CFI: variants seen among roughly 807,000 people sequenced by gnomAD.
CFI encodes complement factor I.
In CFI, 66 loss-of-function variants were observed where a neutral mutation model predicts 78.8. That is an observed-to-expected ratio of 0.84 (90% CI 0.69 to 1.03). The LOEUF (loss-of-function observed/expected upper bound fraction) is 1.03, where lower values mean the gene tolerates loss of function less well. CFI is among the 50% of genes least tolerant of loss of function. The pLI is 0.00. For synonymous variants in CFI, 250 were observed against 232.6 expected (o/e 1.07, Z -0.68); for missense variants, 706 against 704.5 (o/e 1.00, Z -0.02).
At chr4:109,754,130 T>A (rs1017330043) in intron 7 of CFI, among the ~76,000 whole-genome samples, 3 of 151,544 alleles carry the variant, frequency 2.0e-5, no homozygotes, top group Non-Finnish European at 2.9e-5. Context: ...ATTACAGGTG[T>A]GCGTCACCAT....
intron 1 of CFI, among the ~76,000 whole-genome samples, chr4:109,775,366 C>T (rs540471677): frequency 3.2e-4 from 48 of 152,328 alleles, no homozygotes; most frequent in Non-Finnish European, 5.4e-4. Flanking sequence ...GTGCCTGGCT[C>T]GGAGGGTCCC....
intron 5 of CFI, 62 bp downstream of exon 5, chr4:109,760,461 G>T: frequency 6.7e-7 from 1 of 1,490,164 alleles, no homozygotes; most frequent in East Asian, 2.3e-5. Context: ...TAGTAAAGTT[G>T]CTTTTCCTCT....
chr4:109,776,500 T>G (rs567292216), intron 1 of CFI, among the ~76,000 whole-genome samples: 18 of 152,336 alleles, frequency 1.2e-4, no homozygotes, highest in South Asian at 4.1e-4. Context: ...ATCTGATTGA[T>G]GTACCTGAAA....
chr4:109,788,021 T>G (rs1730961958), intron 1 of CFI, among the ~76,000 whole-genome samples: 1 of 151,982 alleles, frequency 6.6e-6, no homozygotes, highest in Non-Finnish European at 1.5e-5. Flanking sequence ...TCTTTGTGAG[T>G]CTTTCCAGAG....
At chr4:109,790,622 G>T (rs1055489768) in intron 1 of CFI, among the ~76,000 whole-genome samples, 1 of 152,064 alleles carries the variant, frequency 6.6e-6, no homozygotes, top group Non-Finnish European at 1.5e-5. Context: ...CAGTGTGTCT[G>T]ATAGGCCCCT....
At chr4:109,774,773 T>TA (rs1560553396) in intron 1 of CFI, among the ~76,000 whole-genome samples, 1 of 152,104 alleles carries the variant, frequency 6.6e-6, no homozygotes, top group Admixed American at 6.5e-5. Context: ...ACAAAAGCAA[T>TA]AAAAAAGGAA....
chr4:109,749,440 TC>T (rs1561288455), intron 9 of CFI, 58 bp downstream of exon 9: 1 of 1,502,072 alleles, frequency 6.7e-7, no homozygotes, highest in Non-Finnish European at 9.3e-7. Context: ...CCTGCCCCTT[TC>T]CCCCCAAATT....
intron 1 of CFI, among the ~76,000 whole-genome samples, chr4:109,789,279 A>G (rs573814717): frequency 2.8e-4 from 43 of 152,190 alleles, no homozygotes; most frequent in African/African-American, 7.9e-4. Flanking sequence ...CAAAAAACAT[A>G]TTTGAAGAAA....
chr4:109,764,443 A>G (rs1349716271), intron 3 of CFI, 94 bp downstream of exon 3: 2 of 1,350,124 alleles, frequency 1.5e-6, no homozygotes, highest in South Asian at 1.2e-5. Context: ...TAGGTTACAC[A>G]TATGGAAATT....
intron 1 of CFI, among the ~76,000 whole-genome samples, chr4:109,776,568 A>C (rs1288179064): frequency 6.6e-6 from 1 of 152,268 alleles, no homozygotes; most frequent in Non-Finnish European, 1.5e-5. Context: ...ACCCAGGAGA[A>C]CTTCCCCAAC....
chr4:109,747,224 T>G (rs1044694084), intron 10 of CFI, among the ~76,000 whole-genome samples: 4 of 152,212 alleles, frequency 2.6e-5, no homozygotes, highest in African/African-American at 7.2e-5. Context: ...CTCACTCTTT[T>G]GCCTAAGCTG....
chr4:109,775,360 C>A lies in CFI; in HGVS notation c.58-8536G>T, dbSNP rs189875996. On this transcript the variant is annotated intron_variant, in intron 1 of 12. Transcript: ENST00000394634. ...CACACCAGGAGATTATATCCCGTGCCTGGCTCGGAGGGTCCCACACCCACG... is the reference window on the plus strand; with the variant it reads ...CACACCAGGAGATTATATCCCGTGCATGGCTCGGAGGGTCCCACACCCACG... Among the ~76,000 whole-genome samples the A allele has an allele frequency of 2.4e-3, 372 of 152,362 alleles. 1 individual carries two copies. The highest frequency in any genetic ancestry group is 8.2e-3 in the African/African-American group (341 of 41,584).
intron 7 of CFI, among the ~76,000 whole-genome samples, chr4:109,752,864 A>G (rs112727801): frequency 0.011 from 1,512 of 133,460 alleles, 48 homozygotes; most frequent in African/African-American, 0.039. Context: ...GGTGTTTTGT[A>G]TATATATATA....
chr4:109,767,324 C>T (rs1233318549), intron 1 of CFI, among the ~76,000 whole-genome samples: 5 of 151,908 alleles, frequency 3.3e-5, no homozygotes, highest in Admixed American at 6.6e-5. Flanking sequence ...CAAAAGAAAC[C>T]ACCATCAGAG....
intron 1 of CFI, among the ~76,000 whole-genome samples, chr4:109,791,228 T>G (rs1731339529): frequency 6.6e-6 from 1 of 152,172 alleles, no homozygotes; most frequent in Non-Finnish European, 1.5e-5. Flanking sequence ...ATATGATTGC[T>G]GCTGCATATA....
chr4:109,752,535 AGTT>A, intron 7 of CFI, 32 bp from the exon 8 acceptor site: 3 of 1,574,686 alleles, frequency 1.9e-6, no homozygotes, highest in Non-Finnish European at 1.7e-6. Context: ...CAATGTTTAA[AGTT>A]GTTAATTATA....
chr4:109,779,099 T>C (rs1484049283), intron 1 of CFI, among the ~76,000 whole-genome samples: 2 of 152,010 alleles, frequency 1.3e-5, no homozygotes, highest in African/African-American at 2.4e-5. Flanking sequence ...CTCTCACCAC[T>C]CCTATTCAAC....
At chr4:109,759,636 C>T (rs1304750464) in intron 6 of CFI, among the ~76,000 whole-genome samples, 1 of 152,118 alleles carries the variant, frequency 6.6e-6, no homozygotes, top group Non-Finnish European at 1.5e-5. Flanking sequence ...GGTGTGGTGG[C>T]TTATGCCTGT....
chr4:109,779,799 C>T (rs62324930), intron 1 of CFI, among the ~76,000 whole-genome samples: 6,614 of 151,960 alleles, frequency 0.044, 205 homozygotes, highest in Non-Finnish European at 0.062. Context: ...TAGACCAATC[C>T]AACAGAACAG....
Sources: allele counts gnomAD v4.1 joint callset (sites outside exome capture counted in the v4.1 genomes callset), GRCh38; gene constraint gnomAD v4.1.1; transcripts MANE v1.5; gene names NCBI Gene and HGNC (gene_info 2026-07-23, HGNC 2026-07-21).